PTCHD1: variants seen among roughly 807,000 people sequenced by gnomAD.
PTCHD1 encodes the protein patched domain containing 1.
Under a neutral mutation model 34.6 loss-of-function variants are expected in PTCHD1, and 3 were observed. That is an observed-to-expected ratio of 0.09 (90% CI 0.04 to 0.22). PTCHD1 has a LOEUF of 0.22. Among genes scored for constraint, PTCHD1 ranks in the 10% least tolerant of loss-of-function variants. The probability of loss-of-function intolerance (pLI) is 1.00; values close to 1 mark genes in which losing one functional copy is unlikely to be tolerated. For missense variants in PTCHD1, 504 were observed against 685.5 expected (o/e 0.74, Z 2.96); for synonymous variants, 305 against 283.1 (o/e 1.08, Z -0.77).
intron 1 of PTCHD1, among the ~76,000 whole-genome samples, chrX:23,364,286 T>C (rs1332145584): frequency 1.8e-5 from 2 of 110,054 alleles, no homozygotes; most frequent in Non-Finnish European, 3.8e-5. Context: ...TTTATGTGTA[T>C]CTATATATAA....
chrX:23,361,315 T>C (rs150325135), intron 1 of PTCHD1, among the ~76,000 whole-genome samples: 4,969 of 111,932 alleles, frequency 0.044, 286 homozygotes, highest in African/African-American at 0.15. Context: ...AGCACTTGCC[T>C]TATGAATCTG....
chrX:23,380,638 G>A lies in PTCHD1; in HGVS notation c.1012+387G>A, dbSNP rs1922538228. ...AGCACCAGTATGGGAGTGAGGAAGT[G>A]GAAGTTGAAGGCACTTCAGTTGAAG... On this transcript the variant is annotated intron_variant, in intron 2 of 2. Transcript: ENST00000379361. 3.6e-5 allele frequency among the ~76,000 whole-genome samples: 4 copies of A among 111,567 alleles called. No individual in the cohort carries two copies. In the South Asian group the frequency reaches 1.5e-3, roughly 42 times the overall value.
chrX:23,379,333 A>G (rs1922493679), intron 1 of PTCHD1, among the ~76,000 whole-genome samples: 1 of 111,827 alleles, frequency 8.9e-6, no homozygotes, highest in South Asian at 3.8e-4. Context: ...AGAAATTCTG[A>G]TTTACCAGGT....
rs1427278033 is a variant in PTCHD1 at position 23,400,400 on chromosome X, C to T, written c.*6215C>T. ...TCAGGAGGCAGGAGAATCCCTTGAA[C>T]CCGGGAGGTAGAAGTTGCAGTGAGC... On this transcript the variant is annotated 3_prime_UTR_variant, in exon 3 of 3. Transcript: ENST00000379361. 1 of 112,488 alleles carries T rather than the reference C, an allele frequency of 8.9e-6. No individual in the cohort carries two copies. The highest frequency in any genetic ancestry group is 2.8e-4 in the East Asian group (1 of 3,598). 9.3% of individuals were successfully genotyped at this position (112,488 alleles called of 1,213,427 possible). A position where few individuals can be genotyped will look rare whatever the true frequency, so the allele number is the denominator to read the frequency against.
At chrX:23,351,218 G>A in intron 1 of PTCHD1, 1 of 733,204 alleles carries the variant, frequency 1.4e-6, no homozygotes, top group African/African-American at 2.1e-5. Flanking sequence ...TCACTGGACA[G>A]TATGGCTCAG....
intron 1 of PTCHD1, 119 bp from the exon 2 acceptor site, chrX:23,379,472 A>T (rs778392652): frequency 2.1e-5 from 16 of 753,052 alleles, no homozygotes; most frequent in Middle Eastern, 4.6e-4. Flanking sequence ...CCTATTTCTG[A>T]TCTAGGTTTA....
intron 1 of PTCHD1, among the ~76,000 whole-genome samples, chrX:23,362,059 C>T: frequency 8.9e-6 from 1 of 112,155 alleles, no homozygotes; most frequent in East Asian, 2.8e-4. Context: ...GTAACCCGAC[C>T]TTTCTCTCTG....
Position 23,402,811 on chromosome X carries a change from A to G in PTCHD1, c.*8626A>G, listed in dbSNP as rs928723240. 1 of 112,605 alleles carries G rather than the reference A, an allele frequency of 8.9e-6. No individual in the cohort carries two copies. Among genetic ancestry groups the G allele is most frequent in the Non-Finnish European group, 1.9e-5 (1 of 53,334 alleles). The allele number at this position is 112,605 out of a possible 1,213,427, so 9.3% of individuals were successfully genotyped here. A position where few individuals can be genotyped will look rare whatever the true frequency, so the allele number is the denominator to read the frequency against. The stretch of plus-strand genomic sequence containing the variant: ...TTCCTCTAAATGTACAAAGGTTTCA[A>G]AGTTGTAAAAAATATGTCTACATAG... On this transcript the variant is annotated 3_prime_UTR_variant, in exon 3 of 3. Coordinates refer to ENST00000379361, the MANE Select transcript of PTCHD1 (RefSeq NM_173495.3).
In PTCHD1 at chrX:23,380,195, A is replaced by G. The variant is rs773352412; in HGVS notation, c.956A>G (p.Asn319Ser). 1 of 1,210,991 alleles carries G rather than the reference A, an allele frequency of 8.3e-7. No individual in the cohort carries two copies. Among genetic ancestry groups the G allele is most frequent in the South Asian group, 1.8e-5 (1 of 56,952 alleles). Reference protein sequence around the residue: ...LATLTAAGIINLTGGKYNSTF... With the variant: ...LATLTAAGIISLTGGKYNSTF... ...ACTCTCACTGCAGCCGGGATCATCA[A>G]TCTTACTGGTGGGAAATATAATTCC... The change falls in exon 2 of 3, where the codon AAT (asparagine) becomes AGT (serine). Residue 319 changes from asparagine to serine, a missense_variant. By Grantham distance (46) the Asn-to-Ser change is conservative (BLOSUM62 1). Transcript: ENST00000379361.
chrX:23,369,521 A>G, intron 1 of PTCHD1, among the ~76,000 whole-genome samples: 1 of 111,530 alleles, frequency 9.0e-6, no homozygotes, highest in East Asian at 2.8e-4. Flanking sequence ...GTGGCCATGG[A>G]CAAGTTATTT....
At chrX:23,341,019 G>A (rs758003524) in intron 1 of PTCHD1, among the ~76,000 whole-genome samples, 1 of 112,550 alleles carries the variant, frequency 8.9e-6, no homozygotes, top group East Asian at 2.8e-4. Context: ...TCCTAGGGTT[G>A]TCTGACTTTT....
Position 23,335,148 on chromosome X carries a change from G to A in PTCHD1, c.273G>A (p.Gly91=), listed in dbSNP as rs1921129889. 8.3e-7 allele frequency: 1 copy of A among 1,211,875 alleles called. No individual in the cohort carries two copies. Among genetic ancestry groups the A allele is most frequent in the African/African-American group, 1.7e-5 (1 of 57,933 alleles). ...HRLYSDLQTP[G]RYGRVIVTSF... ...TCTACTCGGACCTGCAGACCCCCGG[G>A]CGCTACGGCCGGGTCATCGTCACCT... Residue 91 remains glycine (G), a synonymous_variant, in exon 1 of 3, where the codon GGG becomes GGA. Coordinates refer to ENST00000379361, the MANE Select transcript of PTCHD1 (RefSeq NM_173495.3).
Position 23,358,121 on chromosome X carries a change from G to A in PTCHD1, c.352-21470G>A, listed in dbSNP as rs139222087. 7.6e-3 allele frequency among the ~76,000 whole-genome samples: 851 copies of A among 111,630 alleles called. 9 individuals carry two copies. Among genetic ancestry groups the A allele is most frequent in the African/African-American group, 0.018 (556 of 30,700 alleles). ...GTGAATAGTGCCGCAATAAACATAC[G>A]GGTGCATGTGTCTTTATAGTAGCAT... is the stretch of plus-strand genomic sequence containing the variant. On this transcript the variant is annotated intron_variant, in intron 1 of 2. Coordinates refer to ENST00000379361, the MANE Select transcript of PTCHD1 (RefSeq NM_173495.3).
intron 1 of PTCHD1, 28 bp from the exon 2 acceptor site, chrX:23,379,563 T>TA: frequency 8.3e-7 from 1 of 1,205,064 alleles, no homozygotes; most frequent in Non-Finnish European, 1.1e-6. Flanking sequence ...ATTTGATTAA[T>TA]AAATGCTGTC....
chrX:23,375,711 C>T (rs113229030), intron 1 of PTCHD1, among the ~76,000 whole-genome samples: 6,155 of 111,726 alleles, frequency 0.055, 263 homozygotes, highest in African/African-American at 0.14. Flanking sequence ...TGGCTCATCT[C>T]AGGTAAGTGA....
At chrX:23,391,760 T>C (rs1455376028) in intron 2 of PTCHD1, among the ~76,000 whole-genome samples, 1 of 112,016 alleles carries the variant, frequency 8.9e-6, no homozygotes, top group Non-Finnish European at 1.9e-5. Context: ...TGTCCAGACA[T>C]CTTCTCTTCT....
At chrX:23,354,242 T>C (rs955698550) in intron 1 of PTCHD1, among the ~76,000 whole-genome samples, 3 of 110,900 alleles carry the variant, frequency 2.7e-5, no homozygotes, top group Non-Finnish European at 5.7e-5. Context: ...CTGGAAAAAT[T>C]AGAGCGGTAG....
chrX:23,361,536 T>C (rs1921983713), intron 1 of PTCHD1, among the ~76,000 whole-genome samples: 1 of 111,791 alleles, frequency 8.9e-6, no homozygotes, highest in South Asian at 3.8e-4. Context: ...TTTGAGCCTA[T>C]GTGTGTCTCT....
At chrX:23,385,080 A>G (rs1473941266) in intron 2 of PTCHD1, among the ~76,000 whole-genome samples, 1 of 111,844 alleles carries the variant, frequency 8.9e-6, no homozygotes, top group Non-Finnish European at 1.9e-5. Context: ...GTGTACATCT[A>G]TTTTTTTAAA....
Sources: allele counts gnomAD v4.1 joint callset (sites outside exome capture counted in the v4.1 genomes callset), GRCh38; gene constraint gnomAD v4.1.1; transcripts MANE v1.5; gene names NCBI Gene and HGNC (gene_info 2026-07-23, HGNC 2026-07-21).